WDPCP: variants seen among roughly 807,000 people sequenced by gnomAD.
WDPCP encodes the protein WD repeat-containing and planar cell polarity effector protein fritz homolog.
Under a neutral mutation model 93.1 loss-of-function variants are expected in WDPCP, and 71 were observed. The ratio of observed to expected loss-of-function variants is 0.76; its 90% CI spans 0.63 to 0.93. The LOEUF (loss-of-function observed/expected upper bound fraction) is 0.93, where lower values mean the gene tolerates loss of function less well. WDPCP is among the 40% of genes least tolerant of loss of function. The pLI is 0.00. For missense variants in WDPCP, 844 were observed against 887.4 expected, an observed-to-expected ratio of 0.95 and a Z score of 0.62; for synonymous variants, 315 against 315.0, an observed-to-expected ratio of 1.00 and a Z score of 0.00.
At chr2:63,712,991 G>A (rs1432367237) in intron 2 of WDPCP, among the ~76,000 whole-genome samples, 1 of 152,122 alleles carries the variant, frequency 6.6e-6, no homozygotes, top group East Asian at 1.9e-4. Context: ...GCTAGCCAGG[G>A]TTCTCTAAGG....
At chr2:63,633,048 T>C (rs1460157219) in intron 3 of WDPCP, among the ~76,000 whole-genome samples, 2 of 152,122 alleles carry the variant, frequency 1.3e-5, no homozygotes, top group Admixed American at 1.3e-4. Flanking sequence ...AGAAACCTTA[T>C]AGGCCAGGAG....
chr2:63,268,368 T>A (rs988249444), intron 13 of WDPCP, among the ~76,000 whole-genome samples: 3 of 152,298 alleles, frequency 2.0e-5, no homozygotes, highest in Middle Eastern at 3.4e-3. Flanking sequence ...AAAGTTTCAG[T>A]TAGACCGTAG....
intron 9 of WDPCP, among the ~76,000 whole-genome samples, chr2:63,415,595 T>C (rs975680585): frequency 6.6e-6 from 1 of 152,206 alleles, no homozygotes; most frequent in Admixed American, 6.5e-5. Flanking sequence ...GTGATAGAGT[T>C]GCAGTTTGAA....
At chr2:63,220,282 T>G (rs950398627) in intron 14 of WDPCP, among the ~76,000 whole-genome samples, 23 of 152,094 alleles carry the variant, frequency 1.5e-4, no homozygotes, top group African/African-American at 5.3e-4. Context: ...CTTCTGGGAT[T>G]GGAGAATGGG....
At chr2:63,319,599 C>T (rs1686931912) in intron 12 of WDPCP, among the ~76,000 whole-genome samples, 1 of 152,154 alleles carries the variant, frequency 6.6e-6, no homozygotes, top group African/African-American at 2.4e-5. Context: ...CTGCCTCAGC[C>T]TCCCAAGTAG....
intron 2 of WDPCP, among the ~76,000 whole-genome samples, chr2:63,688,556 T>C (rs1668845462): frequency 8.8e-6 from 1 of 113,982 alleles, no homozygotes; most frequent in Non-Finnish European, 1.8e-5. Flanking sequence ...AGAACTAGTA[T>C]TTGCTAGCAC....
intron 2 of WDPCP, among the ~76,000 whole-genome samples, chr2:63,666,102 A>C (rs1444412571): frequency 1.3e-5 from 2 of 152,254 alleles, no homozygotes; most frequent in Non-Finnish European, 2.9e-5. Context: ...AAATGAAGAC[A>C]TAATTTTAGA....
the WDPCP span, among the ~76,000 whole-genome samples, chr2:63,835,537 G>A: frequency 8.1e-4 from 122 of 151,410 alleles, no homozygotes; most frequent in Non-Finnish European, 1.5e-3. Context: ...TCCAGAAACC[G>A]AAGGGAGAAA....
intron 14 of WDPCP, among the ~76,000 whole-genome samples, chr2:63,245,752 G>A (rs1304339870): frequency 1.3e-5 from 2 of 152,006 alleles, no homozygotes; most frequent in African/African-American, 4.8e-5. Flanking sequence ...AGGAAGATAT[G>A]GCATTAAATT....
intron 3 of WDPCP, among the ~76,000 whole-genome samples, chr2:63,624,737 A>T (rs961659423): frequency 1.3e-5 from 2 of 152,240 alleles, no homozygotes; most frequent in Admixed American, 6.5e-5. Context: ...TCACAGCCGA[A>T]TTCTACCAAA....
chr2:63,381,961 G>A lies in WDPCP; in HGVS notation c.1569C>T (p.Ser523=). 6.2e-7 allele frequency: 1 copy of A among 1,613,552 alleles called. No individual in the cohort carries two copies. The highest frequency in any genetic ancestry group is 1.3e-5 in the African/African-American group (1 of 75,010). Reference sequence around the variant, plus strand: ...GAAGATGGTTTACAATGGCGCTCATGCTGATAAAGCACTGGTGGCCCAGAG... The same window carrying A: ...GAAGATGGTTTACAATGGCGCTCATACTGATAAAGCACTGGTGGCCCAGAG... ...WDTLGHQCFI[S]MSAIVNHLLR... Residue 523 remains serine, a synonymous_variant, in exon 11 of 18, where the codon AGC becomes AGT. Transcript: ENST00000272321.
intron 2 of WDPCP, among the ~76,000 whole-genome samples, chr2:63,660,984 TATA>T (rs1202906628): frequency 2.0e-5 from 3 of 152,224 alleles, no homozygotes. Context: ...GAAATCCTGT[TATA>T]ATCTCTCATT....
chr2:63,568,095 A>G (rs1301605413), intron 1 of WDPCP, among the ~76,000 whole-genome samples: 1 of 152,198 alleles, frequency 6.6e-6, no homozygotes, highest in Non-Finnish European at 1.5e-5. Flanking sequence ...AGGCACTTAC[A>G]TATATTAATT....
intron 12 of WDPCP, among the ~76,000 whole-genome samples, chr2:63,352,840 C>G (rs1298035763): frequency 2.6e-5 from 4 of 152,106 alleles, no homozygotes; most frequent in Non-Finnish European, 5.9e-5. Context: ...TCATACTTCA[C>G]AAATAATGTG....
At chr2:63,144,000 G>C (rs1240154162) in intron 17 of WDPCP, among the ~76,000 whole-genome samples, 1 of 152,142 alleles carries the variant, frequency 6.6e-6, no homozygotes, top group Admixed American at 6.5e-5. Flanking sequence ...AGCAAGGCTG[G>C]GGAAGTTTTC....
At chr2:63,803,290 G>A (rs1670720439) in intron 2 of WDPCP, among the ~76,000 whole-genome samples, 1 of 152,006 alleles carries the variant, frequency 6.6e-6, no homozygotes. Context: ...AGGAAAAATC[G>A]ATTTTAATAC....
chr2:63,197,512 A>G (rs1675537826), intron 14 of WDPCP, among the ~76,000 whole-genome samples: 1 of 152,208 alleles, frequency 6.6e-6, no homozygotes, highest in Admixed American at 6.5e-5. Context: ...CAGTATTAAT[A>G]AGAATAAAAA....
chr2:63,313,409 C>A (rs767546338), intron 12 of WDPCP, 98 bp from the exon 13 acceptor site: 136 of 1,207,444 alleles, frequency 1.1e-4, no homozygotes, highest in Non-Finnish European at 1.5e-4. Context: ...TGTTTTTGTC[C>A]TTCTGATTGG....
intron 14 of WDPCP, among the ~76,000 whole-genome samples, chr2:63,236,653 T>C (rs1236204327): frequency 1.3e-5 from 2 of 152,002 alleles, no homozygotes; most frequent in African/African-American, 4.8e-5. Flanking sequence ...TGGAACAGAA[T>C]AGAGAATGCT....
Sources: allele counts gnomAD v4.1 joint callset (sites outside exome capture counted in the v4.1 genomes callset), GRCh38; gene constraint gnomAD v4.1.1; transcripts MANE v1.5; gene names NCBI Gene and HGNC (gene_info 2026-07-23, HGNC 2026-07-21).